FAM107B: variants seen among roughly 807,000 people sequenced by gnomAD.
FAM107B encodes family with sequence similarity 107 member B, also known as protein FAM107B.
A neutral mutation model predicts 31.5 loss-of-function variants in FAM107B; 21 were observed. That is an observed-to-expected ratio of 0.67 (90% CI 0.47 to 0.96). The LOEUF (loss-of-function observed/expected upper bound fraction) is 0.96. FAM107B is among the 40% of genes least tolerant of loss of function. The pLI is 0.00. For synonymous variants in FAM107B, 157 were observed against 141.5 expected, an observed-to-expected ratio of 1.11 and a Z score of -0.78; for missense variants, 452 against 377.1, an observed-to-expected ratio of 1.20 and a Z score of -1.64.
intron 1 of FAM107B, among the ~76,000 whole-genome samples, chr10:14,677,797 G>A (rs1854726724): frequency 6.6e-6 from 1 of 152,178 alleles, no homozygotes. Flanking sequence ...GGAAAACGGG[G>A]GCAAGTTGGT....
chr10:14,528,175 T>TG, intron 3 of FAM107B: 1 of 4,286 alleles, frequency 2.3e-4, no homozygotes, highest in Admixed American at 5.2e-3. Flanking sequence ...TAAGTTTTGG[T>TG]TTTTTTTTTT....
chr10:14,628,205 C>G (rs1442077822), intron 2 of FAM107B, among the ~76,000 whole-genome samples: 2 of 148,954 alleles, frequency 1.3e-5, no homozygotes, highest in East Asian at 2.1e-4. Context: ...CAACCTCCCC[C>G]TCCTGGGTTC....
At chr10:14,534,520 A>G (rs1360350730) in intron 2 of FAM107B, among the ~76,000 whole-genome samples, 1 of 152,032 alleles carries the variant, frequency 6.6e-6, no homozygotes, top group Non-Finnish European at 1.5e-5. Flanking sequence ...CACAAATCCT[A>G]TCTTCCGATC....
chr10:14,737,246 T>C (rs1856320994), intron 1 of FAM107B, among the ~76,000 whole-genome samples: 1 of 150,992 alleles, frequency 6.6e-6, no homozygotes, highest in African/African-American at 2.4e-5. Context: ...GTTGGGATGA[T>C]ATGGGGAGAA....
At chr10:14,599,756 A>C (rs1257906621) in intron 2 of FAM107B, among the ~76,000 whole-genome samples, 1 of 148,352 alleles carries the variant, frequency 6.7e-6, no homozygotes, top group Non-Finnish European at 1.5e-5. Context: ...CATAGAACAT[A>C]CACACTCAAC....
chr10:14,704,640 G>C (rs34085489), intron 1 of FAM107B, among the ~76,000 whole-genome samples: 39,292 of 152,066 alleles, frequency 0.26, 5,558 homozygotes, highest in Middle Eastern at 0.4. Flanking sequence ...AAAAATATTT[G>C]TAAATAATGG....
At chr10:14,635,668 G>C (rs752910431) in intron 2 of FAM107B, among the ~76,000 whole-genome samples, 1 of 151,898 alleles carries the variant, frequency 6.6e-6, no homozygotes, top group Non-Finnish European at 1.5e-5. Flanking sequence ...GTCTCGTTCT[G>C]TCACCCAGGC....
intron 3 of FAM107B, 93 bp downstream of exon 3, chr10:14,530,239 A>T: frequency 7.7e-7 from 1 of 1,296,564 alleles, no homozygotes; most frequent in Non-Finnish European, 1.1e-6. Context: ...GAAATCAAAG[A>T]CTCTTTGAAG....
At chr10:14,767,737 A>C (rs11259326) in intron 1 of FAM107B, among the ~76,000 whole-genome samples, 9,989 of 152,318 alleles carry the variant, frequency 0.066, 422 homozygotes, top group South Asian at 0.1. Flanking sequence ...AAAGACTGAA[A>C]GCTTTTACTC....
At chr10:14,661,598 T>C (rs142863064) in intron 2 of FAM107B, 1 of 152,368 alleles carries the variant, frequency 6.6e-6, no homozygotes, top group East Asian at 1.9e-4. Context: ...ACTGGGGCTC[T>C]TGGATCTCGA....
chr10:14,604,416 C>G (rs928824874), intron 2 of FAM107B: 3 of 203,552 alleles, frequency 1.5e-5, no homozygotes, highest in Non-Finnish European at 2.6e-5. Flanking sequence ...CCCGCGGCCC[C>G]GCGCGTCCGA....
chr10:14,682,373 A>G (rs117791435), intron 1 of FAM107B, among the ~76,000 whole-genome samples: 3 of 152,114 alleles, frequency 2.0e-5, no homozygotes, highest in Non-Finnish European at 4.4e-5. Context: ...TACTAAAAAC[A>G]TAAAAATTAG....
chr10:14,639,921 T>G (rs2131430783), intron 2 of FAM107B, among the ~76,000 whole-genome samples: 1 of 152,268 alleles, frequency 6.6e-6, no homozygotes, highest in African/African-American at 2.4e-5. Context: ...TATCTTAACT[T>G]TAACTTTAAG....
At chr10:14,569,287 A>G (rs572597807) in intron 2 of FAM107B, among the ~76,000 whole-genome samples, 53 of 152,272 alleles carry the variant, frequency 3.5e-4, no homozygotes, top group African/African-American at 1.1e-3. Context: ...AGAGTGTAGA[A>G]AATATTTCTT....
At chr10:14,675,938 G>C (rs1004690076) in intron 1 of FAM107B, among the ~76,000 whole-genome samples, 1 of 152,112 alleles carries the variant, frequency 6.6e-6, no homozygotes, top group Non-Finnish European at 1.5e-5. Context: ...TAAGAGGATC[G>C]CTTGAGCCCA....
At chr10:14,563,065 CTG>C (rs1850375570) in intron 2 of FAM107B, among the ~76,000 whole-genome samples, 1 of 152,158 alleles carries the variant, frequency 6.6e-6, no homozygotes, top group African/African-American at 2.4e-5. Flanking sequence ...AGCGGAAAAA[CTG>C]TGAAGCTTAA....
intron 1 of FAM107B, among the ~76,000 whole-genome samples, chr10:14,744,467 T>C (rs575349795): frequency 9.2e-5 from 14 of 152,356 alleles, no homozygotes; most frequent in Non-Finnish European, 1.8e-4. Flanking sequence ...CCATTCAGTA[T>C]AACATTGGCT....
At chr10:14,540,028 GAC>G (rs1455312674) in intron 2 of FAM107B, among the ~76,000 whole-genome samples, 2 of 152,320 alleles carry the variant, frequency 1.3e-5, no homozygotes, top group East Asian at 1.9e-4. Context: ...ATGTGGACGT[GAC>G]ACACAGGCAG....
intron 2 of FAM107B, among the ~76,000 whole-genome samples, chr10:14,591,435 ATCTTT>A (rs1852016693): frequency 1.3e-5 from 2 of 152,244 alleles, no homozygotes; most frequent in Admixed American, 1.3e-4. Context: ...AGCCAAGCCA[ATCTTT>A]GCTTTTTTCT....
Sources: gnomAD v4.1 joint callset for allele counts (sites outside exome capture counted in the v4.1 genomes callset) on GRCh38, gnomAD v4.1.1 for gene constraint, MANE v1.5 for transcripts, NCBI Gene and HGNC (gene_info 2026-07-23, HGNC 2026-07-21) for gene names.